LHFPL3: variants seen among roughly 807,000 people sequenced by gnomAD.
LHFPL3 encodes LHFPL tetraspan subfamily member 3, also known as LHFPL tetraspan subfamily member 3 protein.
Under a neutral mutation model 19.3 loss-of-function variants are expected in LHFPL3, and 5 were observed. The observed-to-expected ratio is 0.26, with a 90% CI of 0.14 to 0.54. The LOEUF is 0.54. Ranked by LOEUF, LHFPL3 falls within the 20% of genes least tolerant of loss-of-function variation. The probability of loss-of-function intolerance (pLI) is 0.94; values close to 1 mark genes in which losing one functional copy is unlikely to be tolerated. For synonymous variants in LHFPL3, 133 were observed against 126.2 expected (o/e 1.05, Z -0.36); for missense variants, 249 against 307.4 (o/e 0.81, Z 1.42).
chr7:104,473,919 G>T (rs555782529), intron 1 of LHFPL3, among the ~76,000 whole-genome samples: 1 of 152,256 alleles, frequency 6.6e-6, no homozygotes, highest in South Asian at 2.1e-4. Context: ...TATTTATAAA[G>T]CTCTATGACA....
At chr7:104,556,051 A>G (rs1336003571) in intron 1 of LHFPL3, among the ~76,000 whole-genome samples, 1 of 152,216 alleles carries the variant, frequency 6.6e-6, no homozygotes, top group Non-Finnish European at 1.5e-5. Context: ...CCTTAGGCAG[A>G]TCTGCCCCTG....
intron 1 of LHFPL3, among the ~76,000 whole-genome samples, chr7:104,481,294 T>C (rs1793131772): frequency 6.6e-6 from 1 of 152,184 alleles, no homozygotes; most frequent in South Asian, 2.1e-4. Flanking sequence ...TCAGAAAGAA[T>C]CTTTCTGAAA....
At chr7:104,633,646 T>G (rs1791682264) in intron 1 of LHFPL3, among the ~76,000 whole-genome samples, 1 of 152,222 alleles carries the variant, frequency 6.6e-6, no homozygotes, top group Non-Finnish European at 1.5e-5. Context: ...AATATGGCAG[T>G]GAAGGATCAT....
chr7:104,589,923 A>G (rs1484388632), intron 1 of LHFPL3, among the ~76,000 whole-genome samples: 2 of 152,080 alleles, frequency 1.3e-5, no homozygotes, highest in African/African-American at 4.8e-5. Flanking sequence ...GTATTCTCTG[A>G]TGGTAGTTTG....
chr7:104,828,035 C>T (rs1464829822), intron 2 of LHFPL3, among the ~76,000 whole-genome samples: 1 of 151,964 alleles, frequency 6.6e-6, no homozygotes, highest in African/African-American at 2.4e-5. Flanking sequence ...GACTAGACCC[C>T]TCTTCGGCTC....
chr7:104,681,154 CTT>C (rs35342944), intron 1 of LHFPL3, among the ~76,000 whole-genome samples: 218 of 132,592 alleles, frequency 1.6e-3, no homozygotes, highest in Admixed American at 3.8e-3. Context: ...TTCTTTTCTT[CTT>C]TTTTTTTTTT....
intron 1 of LHFPL3, among the ~76,000 whole-genome samples, chr7:104,535,468 A>G (rs550615281): frequency 1.3e-5 from 2 of 152,334 alleles, no homozygotes; most frequent in Admixed American, 1.3e-4. Context: ...TTAAGTTTCT[A>G]TAACCAAGTG....
intron 1 of LHFPL3, among the ~76,000 whole-genome samples, chr7:104,469,055 T>A (rs1057328887): frequency 6.6e-6 from 1 of 152,158 alleles, no homozygotes; most frequent in Non-Finnish European, 1.5e-5. Context: ...CATAGGAGGC[T>A]CCAATTTAAC....
intron 1 of LHFPL3, among the ~76,000 whole-genome samples, chr7:104,467,717 A>C (rs1792821249): frequency 6.6e-6 from 1 of 152,238 alleles, no homozygotes; most frequent in African/African-American, 2.4e-5. Flanking sequence ...GGACAGGATT[A>C]TATTTGGGAA....
rs767235545 is a variant in LHFPL3 at position 104,908,355 on chromosome 7, T to C, written c.*2140T>C. Reference sequence around the variant, plus strand: ...AGGTAATACACATGTAAATCACTAATTGTTAATTAAATATAAGAAGTAGGT... The same window carrying C: ...AGGTAATACACATGTAAATCACTAACTGTTAATTAAATATAAGAAGTAGGT... On this transcript the variant is annotated 3_prime_UTR_variant, in exon 3 of 3. Coordinates refer to ENST00000424859, the MANE Select transcript of LHFPL3 (RefSeq NM_199000.3). Among the ~76,000 whole-genome samples, 7 of 152,118 alleles carry C rather than the reference T, an allele frequency of 4.6e-5. No individual in the cohort carries two copies. Among genetic ancestry groups the C allele is most frequent in the Non-Finnish European group, 1.0e-4 (7 of 68,032 alleles).
At chr7:104,844,676 A>C (rs1791280238) in intron 2 of LHFPL3, among the ~76,000 whole-genome samples, 1 of 152,222 alleles carries the variant, frequency 6.6e-6, no homozygotes, top group Non-Finnish European at 1.5e-5. Flanking sequence ...TCTAACTCTT[A>C]GATAATGCTT....
At chr7:104,648,633 G>A (rs1313143385) in intron 1 of LHFPL3, among the ~76,000 whole-genome samples, 1 of 152,120 alleles carries the variant, frequency 6.6e-6, no homozygotes, top group Non-Finnish European at 1.5e-5. Flanking sequence ...TTAGATTAAT[G>A]TGGTGATATA....
intron 1 of LHFPL3, among the ~76,000 whole-genome samples, chr7:104,407,477 A>G (rs1791439654): frequency 6.6e-6 from 1 of 152,098 alleles, no homozygotes; most frequent in Non-Finnish European, 1.5e-5. Flanking sequence ...GCCTACATGG[A>G]GAAACCCCAT....
intron 1 of LHFPL3, among the ~76,000 whole-genome samples, chr7:104,698,215 A>G (rs1793033225): frequency 6.6e-6 from 1 of 152,250 alleles, no homozygotes; most frequent in Admixed American, 6.5e-5. Context: ...AAATGTATAC[A>G]TTTAAATTCA....
intron 1 of LHFPL3, among the ~76,000 whole-genome samples, chr7:104,388,821 C>T (rs1791001187): frequency 1.1e-5 from 1 of 93,914 alleles, no homozygotes; most frequent in Admixed American, 1.1e-4. Flanking sequence ...AAAATATAAC[C>T]CCCTTTTATG....
At chr7:104,750,701 CGGGAG>C (rs1330950747) in intron 2 of LHFPL3, among the ~76,000 whole-genome samples, 1 of 151,070 alleles carries the variant, frequency 6.6e-6, no homozygotes, top group Non-Finnish European at 1.5e-5. Flanking sequence ...CTGCTTGTGG[CGGGAG>C]ACAATTGTTG....
At chr7:104,878,117 G>A (rs1219606823) in intron 2 of LHFPL3, among the ~76,000 whole-genome samples, 1 of 152,114 alleles carries the variant, frequency 6.6e-6, no homozygotes, top group Non-Finnish European at 1.5e-5. Flanking sequence ...TTACAGGCAT[G>A]AGCCACCGTG....
rs76220551 is a variant in LHFPL3 at position 104,743,353 on chromosome 7, T to C, written c.682+6442T>C. Among the ~76,000 whole-genome samples the C allele has an allele frequency of 1.2e-4, 19 of 152,266 alleles. No individual in the cohort carries two copies. The East Asian group carries it at 3.5e-3, about 28-fold the overall frequency. On this transcript the variant is annotated intron_variant, in intron 2 of 2. Coordinates refer to ENST00000424859, the MANE Select transcript of LHFPL3 (RefSeq NM_199000.3). ...GGTGTCCATGTGAACACCTTAATAG[T>C]GGACAGAGCCCCAGATCATAGACAG...
At chr7:104,637,567 C>T (rs780465076) in intron 1 of LHFPL3, among the ~76,000 whole-genome samples, 6 of 152,064 alleles carry the variant, frequency 3.9e-5, no homozygotes, top group East Asian at 1.9e-4. Flanking sequence ...TTATGGAGTA[C>T]GGAAAGAGTT....
Sources: allele counts gnomAD v4.1 joint callset (sites outside exome capture counted in the v4.1 genomes callset), GRCh38; gene constraint gnomAD v4.1.1; transcripts MANE v1.5; gene names NCBI Gene and HGNC (gene_info 2026-07-23, HGNC 2026-07-21).